ST6GALNAC5: variants seen among roughly 807,000 people sequenced by gnomAD.
ST6GALNAC5 encodes alpha-N-acetylgalactosaminide alpha-2,6-sialyltransferase 5.
A neutral mutation model predicts 33.6 loss-of-function variants in ST6GALNAC5; 27 were observed. The ratio of observed to expected loss-of-function variants is 0.80; its 90% confidence interval spans 0.59 to 1.11. ST6GALNAC5 has a LOEUF of 1.11. Among genes scored for constraint, ST6GALNAC5 ranks in the 50% least tolerant of loss-of-function variants. The probability of loss-of-function intolerance (pLI) is 0.00; values close to 1 mark genes in which losing one functional copy is unlikely to be tolerated. For missense variants in ST6GALNAC5, 428 were observed against 454.0 expected (o/e 0.94, Z 0.52); for synonymous variants, 194 against 171.2 (o/e 1.13, Z -1.04).
At chr1:76,879,547 T>A (rs1653729680) in intron 2 of ST6GALNAC5, among the ~76,000 whole-genome samples, 1 of 152,274 alleles carries the variant, frequency 6.6e-6, no homozygotes, top group East Asian at 1.9e-4. Flanking sequence ...TCTCTAGGGG[T>A]CCACTGGGAC....
intron 2 of ST6GALNAC5, among the ~76,000 whole-genome samples, chr1:76,987,440 C>A (rs1481335505): frequency 6.6e-6 from 1 of 152,080 alleles, no homozygotes; most frequent in African/African-American, 2.4e-5. Flanking sequence ...CAAAAAATAA[C>A]AAGTGTTGGC....
rs193053631 is a variant in ST6GALNAC5, at chr1:77,024,656, G to A, written c.262-19548G>A. Reference sequence around the variant, plus strand: ...GGCGGGATCTGATTCTAGGGATTTCGCAAGGGACTTTGATATGTGAGACCC... The same window carrying A: ...GGCGGGATCTGATTCTAGGGATTTCACAAGGGACTTTGATATGTGAGACCC... On this transcript the variant is annotated intron_variant, in intron 2 of 4. Transcript: ENST00000477717. Among the ~76,000 whole-genome samples the A allele has an allele frequency of 2.7e-4, 41 of 152,294 alleles. No individual in the cohort carries two copies. The East Asian group carries it at 6.6e-3, about 24-fold the overall frequency.
At chr1:76,964,942 C>A (rs977690350) in intron 2 of ST6GALNAC5, among the ~76,000 whole-genome samples, 11 of 151,936 alleles carry the variant, frequency 7.2e-5, no homozygotes, top group African/African-American at 2.7e-4. Context: ...TGAACTCATC[C>A]TTTTTTATGG....
intron 2 of ST6GALNAC5, among the ~76,000 whole-genome samples, chr1:76,901,898 T>C (rs910637238): frequency 2.0e-5 from 3 of 152,182 alleles, no homozygotes; most frequent in Non-Finnish European, 4.4e-5. Flanking sequence ...TTATACATGA[T>C]ATTTTTTTGG....
intron 3 of ST6GALNAC5, among the ~76,000 whole-genome samples, chr1:77,049,036 G>A (rs571359780): frequency 2.9e-4 from 44 of 152,164 alleles, no homozygotes; most frequent in Middle Eastern, 3.4e-3. Flanking sequence ...ATGAGCAAAG[G>A]GCTTAAGAAA....
intron 1 of ST6GALNAC5, 86 bp downstream of exon 1, chr1:76,867,776 C>A: frequency 1.3e-6 from 2 of 1,597,352 alleles, no homozygotes; most frequent in Non-Finnish European, 1.7e-6. Flanking sequence ...GACTCCGAGA[C>A]GCCTAACCCT....
chr1:77,063,786 G>C lies in ST6GALNAC5; in HGVS notation c.*580G>C. 1 of 154,118 alleles carries C rather than the reference G, an allele frequency of 6.5e-6. No homozygotes were observed. The highest frequency in any genetic ancestry group is 1.4e-5 in the Non-Finnish European group (1 of 68,992). The allele number at this position is 154,118 out of a possible 1,614,324, so 9.5% of individuals were successfully genotyped here. On this transcript the variant is annotated 3_prime_UTR_variant, in exon 5 of 5. Transcript: ENST00000477717. ...CAGTATTTTTATAGATTATGATTAT[G>C]TGGTAATTTATCCTTCCTAACTCTT... is the stretch of plus-strand genomic sequence containing the variant.
intron 2 of ST6GALNAC5, among the ~76,000 whole-genome samples, chr1:76,882,816 C>G (rs151210938): frequency 6.6e-6 from 1 of 152,080 alleles, no homozygotes; most frequent in Non-Finnish European, 1.5e-5. Context: ...GGATCAAGTT[C>G]AGACCCTCAG....
intron 2 of ST6GALNAC5, among the ~76,000 whole-genome samples, chr1:76,876,325 G>A (rs1006484875): frequency 6.6e-6 from 1 of 151,858 alleles, no homozygotes; most frequent in Non-Finnish European, 1.5e-5. Flanking sequence ...ATGTTGCTGA[G>A]CCCATGTGTA....
intron 4 of ST6GALNAC5, among the ~76,000 whole-genome samples, chr1:77,051,481 G>C (rs1280886835): frequency 1.3e-5 from 2 of 152,184 alleles, no homozygotes; most frequent in East Asian, 3.9e-4. Flanking sequence ...CACCTAGTAT[G>C]ACCTTGAAGA....
intron 2 of ST6GALNAC5, among the ~76,000 whole-genome samples, chr1:77,017,217 G>A (rs902158589): frequency 1.3e-5 from 2 of 151,978 alleles, no homozygotes; most frequent in Non-Finnish European, 2.9e-5. Context: ...TAAACACTGG[G>A]GGACACTTCT....
intron 2 of ST6GALNAC5, among the ~76,000 whole-genome samples, chr1:76,915,379 AAG>A (rs1387381916): frequency 6.6e-6 from 1 of 152,150 alleles, no homozygotes; most frequent in African/African-American, 2.4e-5. Flanking sequence ...TGCTGCCATA[AAG>A]ACACATGCAC....
chr1:77,058,485 C>T (rs909403688), intron 4 of ST6GALNAC5, among the ~76,000 whole-genome samples: 1 of 152,168 alleles, frequency 6.6e-6, no homozygotes, highest in African/African-American at 2.4e-5. Context: ...CCTGGCACCT[C>T]CCCCTTTCTC....
At chr1:76,967,313 G>C (rs1360343671) in intron 2 of ST6GALNAC5, among the ~76,000 whole-genome samples, 1 of 152,068 alleles carries the variant, frequency 6.6e-6, no homozygotes, top group Admixed American at 6.5e-5. Context: ...ACTTCTTCCT[G>C]GTTTAGTCTT....
intron 2 of ST6GALNAC5, among the ~76,000 whole-genome samples, chr1:77,040,629 C>A (rs1651801458): frequency 1.3e-5 from 2 of 152,314 alleles, no homozygotes; most frequent in South Asian, 4.1e-4. Context: ...ACCTGCCAAC[C>A]AGTCTCTGTT....
At position 77,000,329 on chromosome 1, in the gene ST6GALNAC5, G is replaced by A. The variant is rs1396050861; in HGVS notation, c.262-43875G>A. On this transcript the variant is annotated intron_variant, in intron 2 of 4. Transcript: ENST00000477717. ...TGTTCATGTCCTTTGCCCACTTTTC[G>A]ATGGGGTTGTTTATTTTTTTCTTGT... Among the ~76,000 whole-genome samples the A allele has an allele frequency of 8.7e-5, 11 of 125,738 alleles. No individual in the cohort carries two copies. The South Asian group carries it at 1.6e-3, about 18-fold the overall frequency. 82.5% of individuals were successfully genotyped at this position (125,738 alleles called of 152,430 possible).
chr1:76,939,460 C>T (rs886700606), intron 2 of ST6GALNAC5, among the ~76,000 whole-genome samples: 4 of 152,060 alleles, frequency 2.6e-5, no homozygotes, highest in Non-Finnish European at 5.9e-5. Context: ...GCCAAGGAAA[C>T]AGGATTATCC....
At chr1:77,057,436 C>G (rs1652438722) in intron 4 of ST6GALNAC5, among the ~76,000 whole-genome samples, 1 of 152,156 alleles carries the variant, frequency 6.6e-6, no homozygotes, top group Non-Finnish European at 1.5e-5. Context: ...GCCAAAGAAA[C>G]AGGGAGACCT....
Position 76,868,223 on chromosome 1 carries a change from C to A in ST6GALNAC5, c.16-274C>A, listed in dbSNP as rs1211702207. On this transcript the variant is annotated intron_variant, in intron 1 of 4. Coordinates refer to ENST00000477717, the MANE Select transcript of ST6GALNAC5 (RefSeq NM_030965.3). This position sits in a 1 kb window ranked among gnomAD's most constrained non-coding sequence, Gnocchi z 4.3. ...CCCACCCCTGTCCTCGGCCCCGGCGCGCTCCCTCCCTCAGCCCGGGGCCGT... is the reference window on the plus strand; with the variant it reads ...CCCACCCCTGTCCTCGGCCCCGGCGAGCTCCCTCCCTCAGCCCGGGGCCGT... 6.6e-6 allele frequency among the ~76,000 whole-genome samples: 1 copy of A among 152,078 alleles called. No homozygotes were observed. Among genetic ancestry groups the A allele is most frequent in the Non-Finnish European group, 1.5e-5 (1 of 68,004 alleles).
Sources: gnomAD v4.1 joint callset for allele counts (sites outside exome capture counted in the v4.1 genomes callset) on GRCh38, gnomAD v4.1.1 for gene constraint, Gnocchi (gnomAD v3.1) non-coding constraint, MANE v1.5 for transcripts, NCBI Gene and HGNC (gene_info 2026-07-23, HGNC 2026-07-21) for gene names.